The following ADAM23 variants were observed in gnomAD, a reference collection of about 807,000 sequenced individuals.
The protein encoded by ADAM23 is disintegrin and metalloproteinase domain-containing protein 23.
Under a neutral mutation model 120.1 loss-of-function variants are expected in ADAM23, and 33 were observed. That is an observed-to-expected ratio of 0.27 (90% confidence interval 0.21 to 0.37). ADAM23 has a LOEUF of 0.37. ADAM23 is among the 10% of genes least tolerant of loss of function. ADAM23 has a pLI of 1.00. For synonymous variants in ADAM23, 367 were observed against 375.2 expected, an observed-to-expected ratio of 0.98 and a Z score of 0.25; for missense variants, 862 against 1,058.2, an observed-to-expected ratio of 0.81 and a Z score of 2.57.
chr2:206,508,178 C>T (rs528524328), intron 3 of ADAM23, among the ~76,000 whole-genome samples: 4 of 152,078 alleles, frequency 2.6e-5, no homozygotes, highest in Admixed American at 2.0e-4. Flanking sequence ...TACAGGCATC[C>T]ACCACCACGC....
chr2:206,570,900 G>T, intron 16 of ADAM23, 89 bp downstream of exon 16: 1 of 1,140,366 alleles, frequency 8.8e-7, no homozygotes, highest in Non-Finnish European at 1.3e-6. Flanking sequence ...CACATTGATT[G>T]TGGTCTTACT....
intron 3 of ADAM23, among the ~76,000 whole-genome samples, chr2:206,525,755 C>A (rs2105793775): frequency 6.6e-6 from 1 of 152,116 alleles, no homozygotes; most frequent in Admixed American, 6.5e-5. Context: ...CCACACCTGG[C>A]TAATTTTTGT....
chr2:206,483,898 T>C (rs1260692786), intron 3 of ADAM23, among the ~76,000 whole-genome samples: 1 of 151,786 alleles, frequency 6.6e-6, no homozygotes, highest in Non-Finnish European at 1.5e-5. Flanking sequence ...TTGAGGAGGT[T>C]TGGATGAGAA....
chr2:206,548,300 G>A lies in ADAM23; in HGVS notation c.813G>A (p.Gln271=). The A allele has an allele frequency of 6.2e-7, 1 of 1,612,408 alleles. No individual in the cohort carries two copies. The highest frequency in any genetic ancestry group is 8.5e-7 in the Non-Finnish European group (1 of 1,179,952). ...MKNLTMERGD[Q]WPFLSELQWL... ...CTGCAGCTATGGAAAGAGGTGACCA[G>A]TGGCCCTTTCTCTCTGAATTACAGT... is the stretch of plus-strand genomic sequence containing the variant. The change falls in exon 8 of 26, where the codon CAG becomes CAA. Residue 271 remains glutamine (Q), a synonymous_variant. Coordinates refer to ENST00000264377, the MANE Select transcript of ADAM23 (RefSeq NM_003812.4).
At chr2:206,470,935 T>C (rs1695645053) in intron 2 of ADAM23, among the ~76,000 whole-genome samples, 1 of 152,190 alleles carries the variant, frequency 6.6e-6, no homozygotes. Flanking sequence ...AGGAATATCA[T>C]TGTCAAACAG....
chr2:206,451,143 G>T (rs937299832), intron 2 of ADAM23, among the ~76,000 whole-genome samples: 8 of 152,226 alleles, frequency 5.3e-5, no homozygotes, highest in Non-Finnish European at 1.2e-4. Flanking sequence ...GAAAGGAAGA[G>T]CCACAGAATC....
chr2:206,498,962 GT>G (rs1426599564), intron 3 of ADAM23, among the ~76,000 whole-genome samples: 3 of 152,208 alleles, frequency 2.0e-5, no homozygotes, highest in African/African-American at 7.2e-5. Flanking sequence ...TCTCACACCA[GT>G]TAGAATGGCG....
At chr2:206,609,042 C>T (rs1698781731) in intron 24 of ADAM23, among the ~76,000 whole-genome samples, 1 of 152,134 alleles carries the variant, frequency 6.6e-6, no homozygotes, top group African/African-American at 2.4e-5. Flanking sequence ...TTTTAAAATG[C>T]TAAGCTTAAG....
At chr2:206,496,056 A>T (rs1399501749) in intron 3 of ADAM23, among the ~76,000 whole-genome samples, 1 of 152,186 alleles carries the variant, frequency 6.6e-6, no homozygotes, top group Non-Finnish European at 1.5e-5. Flanking sequence ...ATAATGGGAG[A>T]CTTAAACACC....
intron 18 of ADAM23, among the ~76,000 whole-genome samples, chr2:206,581,159 A>T (rs751767535): frequency 6.6e-6 from 1 of 152,114 alleles, no homozygotes; most frequent in Non-Finnish European, 1.5e-5. Flanking sequence ...CTTTTCAAAG[A>T]ACCAGCTTTT....
At chr2:206,568,554 G>A (rs933351308) in intron 15 of ADAM23, among the ~76,000 whole-genome samples, 1 of 152,178 alleles carries the variant, frequency 6.6e-6, no homozygotes, top group Non-Finnish European at 1.5e-5. Flanking sequence ...CTTCAGCAAA[G>A]CTGGAAGTCT....
intron 25 of ADAM23, among the ~76,000 whole-genome samples, chr2:206,614,752 G>A (rs553139123): frequency 6.6e-6 from 1 of 152,022 alleles, no homozygotes; most frequent in Admixed American, 6.5e-5. Flanking sequence ...ACCATTTTTT[G>A]TGGGGGCCTT....
chr2:206,462,956 G>T (rs1695456082), intron 2 of ADAM23, among the ~76,000 whole-genome samples: 1 of 152,180 alleles, frequency 6.6e-6, no homozygotes, highest in African/African-American at 2.4e-5. Context: ...GGGCAAGAGT[G>T]GCTGCAGGGA....
At chr2:206,585,348 G>C (rs1330327985) in intron 18 of ADAM23, among the ~76,000 whole-genome samples, 1 of 152,210 alleles carries the variant, frequency 6.6e-6, no homozygotes, top group Non-Finnish European at 1.5e-5. Flanking sequence ...AGAAACCACA[G>C]GGATTTCTGC....
intron 6 of ADAM23, among the ~76,000 whole-genome samples, chr2:206,546,195 A>T (rs1697393339): frequency 6.6e-6 from 1 of 152,128 alleles, no homozygotes; most frequent in East Asian, 1.9e-4. Flanking sequence ...ATTTGTCCTC[A>T]TCCACACTAT....
intron 4 of ADAM23, 92 bp from the exon 5 acceptor site, chr2:206,541,960 C>A: frequency 7.9e-7 from 1 of 1,273,878 alleles, no homozygotes; most frequent in Non-Finnish European, 1.1e-6. Context: ...ACATATATGC[C>A]CATCCTTGCA....
intron 9 of ADAM23, among the ~76,000 whole-genome samples, chr2:206,550,599 CTTTT>C (rs67340305): frequency 7.3e-6 from 1 of 137,272 alleles, no homozygotes; most frequent in Non-Finnish European, 1.6e-5. Flanking sequence ...GACTTATCGT[CTTTT>C]TTTTTTTTTT....
At chr2:206,613,064 T>G (rs1189621319) in intron 25 of ADAM23, among the ~76,000 whole-genome samples, 1 of 152,152 alleles carries the variant, frequency 6.6e-6, no homozygotes, top group Non-Finnish European at 1.5e-5. Context: ...TTAATTTCTT[T>G]TTCTTTTTTT....
At chr2:206,561,869 G>A (rs118148027) in intron 12 of ADAM23, among the ~76,000 whole-genome samples, 1 of 152,076 alleles carries the variant, frequency 6.6e-6, no homozygotes, top group Admixed American at 6.6e-5. Context: ...TATCCCAGTT[G>A]CCCATTTAGT....
Sources: allele counts gnomAD v4.1 joint callset (sites outside exome capture counted in the v4.1 genomes callset), GRCh38; gene constraint gnomAD v4.1.1; transcripts MANE v1.5; gene names NCBI Gene and HGNC (gene_info 2026-07-23, HGNC 2026-07-21).